The following ETFDH variants were observed in gnomAD, a reference collection of about 807,000 sequenced individuals.
ETFDH encodes the protein electron transfer flavoprotein-ubiquinone oxidoreductase, mitochondrial.
In ETFDH, 61 loss-of-function variants were observed where a neutral mutation model predicts 73.2. The ratio of observed to expected loss-of-function variants is 0.83; its 90% CI spans 0.68 to 1.03. The LOEUF (loss-of-function observed/expected upper bound fraction) is 1.03. Ranked by LOEUF, ETFDH falls within the 50% of genes least tolerant of loss-of-function variation. The probability of loss-of-function intolerance (pLI) is 0.00; values close to 1 mark genes in which losing one functional copy is unlikely to be tolerated. For synonymous variants in ETFDH, 243 were observed against 253.3 expected, an observed-to-expected ratio of 0.96 and a Z score of 0.39; for missense variants, 685 against 745.0, an observed-to-expected ratio of 0.92 and a Z score of 0.94.
At position 158,706,944 on chromosome 4, in the gene ETFDH, T is replaced by C. The variant is rs1774640628; in HGVS notation, c.1690+94T>C. The C allele has an allele frequency of 4.9e-6, 4 of 815,946 alleles. No homozygotes were observed. In the South Asian group the frequency reaches 5.8e-5, roughly 12 times the overall value. 50.5% of individuals were successfully genotyped at this position (815,946 alleles called of 1,614,324 possible). On this transcript the variant is annotated intron_variant, in intron 12 of 12. Coordinates refer to ENST00000511912, the MANE Select transcript of ETFDH (RefSeq NM_004453.4). ...AAAATGATTTCTGTATCTCCTTCCA[T>C]TCCTTAGAAATTGTAAATGACTTCA...
intron 1 of ETFDH, among the ~76,000 whole-genome samples, chr4:158,678,058 A>C (rs1426480291): frequency 6.6e-6 from 1 of 152,256 alleles, no homozygotes. Flanking sequence ...TAAGTTGCAA[A>C]AATAGTACTG....
chr4:158,675,421 A>G (rs1182535619), intron 1 of ETFDH, among the ~76,000 whole-genome samples: 2 of 152,054 alleles, frequency 1.3e-5, no homozygotes, highest in Non-Finnish European at 2.9e-5. Context: ...ATCACTTCTT[A>G]CCATTTATTG....
chr4:158,690,032 C>T (rs967411825), intron 5 of ETFDH, among the ~76,000 whole-genome samples: 18 of 152,054 alleles, frequency 1.2e-4, no homozygotes, highest in African/African-American at 3.9e-4. Flanking sequence ...ATTCTTTACA[C>T]GATTTGACAT....
intron 6 of ETFDH, among the ~76,000 whole-genome samples, chr4:158,692,293 G>A (rs1313754282): frequency 4.0e-5 from 6 of 151,814 alleles, no homozygotes; most frequent in South Asian, 2.1e-4. Context: ...CCAGCTGTTC[G>A]GGAGGCTGAG....
intron 7 of ETFDH, 104 bp downstream of exon 7, chr4:158,695,747 T>C: frequency 1.2e-6 from 1 of 823,814 alleles, no homozygotes; most frequent in East Asian, 2.7e-5. Flanking sequence ...GTTATATTTT[T>C]TCATTGTCTT....
chr4:158,675,293 A>G (rs1773683461), intron 1 of ETFDH, among the ~76,000 whole-genome samples: 1 of 152,150 alleles, frequency 6.6e-6, no homozygotes, highest in African/African-American at 2.4e-5. Context: ...AGCATATACT[A>G]TGTTGTCTTT....
intron 3 of ETFDH, among the ~76,000 whole-genome samples, chr4:158,682,692 C>T (rs1326815007): frequency 6.6e-6 from 1 of 151,824 alleles, no homozygotes; most frequent in Non-Finnish European, 1.5e-5. Context: ...TGCCAACACT[C>T]CCAGCTAATT....
At chr4:158,692,280 A>G (rs1330735776) in intron 6 of ETFDH, among the ~76,000 whole-genome samples, 1 of 152,024 alleles carries the variant, frequency 6.6e-6, no homozygotes. Flanking sequence ...CACGCCTGTA[A>G]TCCCAGCTGT....
Position 158,697,653 on chromosome 4 carries a change from T to G in ETFDH, c.926T>G (p.Leu309Arg), listed in dbSNP as rs1276785426. The G allele has an allele frequency of 6.2e-7, 1 of 1,613,812 alleles. No homozygotes were observed. Among genetic ancestry groups the G allele is most frequent in the Middle Eastern group, 1.6e-4 (1 of 6,062 alleles). ...LDRHTYGGSFLYHLNEGEPLV... is the reference protein window; with the variant it reads ...LDRHTYGGSFRYHLNEGEPLV... Reference sequence around the variant, plus strand: ...AGACATACCTATGGAGGATCTTTCCTCTATCATTTGAATGAAGGTGAACCC... The same window carrying G: ...AGACATACCTATGGAGGATCTTTCCGCTATCATTTGAATGAAGGTGAACCC... Residue 309 changes from leucine to arginine, a missense_variant, in exon 8 of 13, where the codon CTC (leucine) becomes CGC (arginine). Leu to Arg is a moderately radical substitution (Grantham distance 102). Transcript: ENST00000511912.
intron 5 of ETFDH, among the ~76,000 whole-genome samples, chr4:158,686,975 A>G (rs1580401946): frequency 6.6e-6 from 1 of 152,338 alleles, no homozygotes; most frequent in African/African-American, 2.4e-5. Flanking sequence ...GTACAGTTAT[A>G]TGCCTTTCTT....
Position 158,708,586 on chromosome 4 carries a change from T to G in ETFDH, c.*59T>G. On this transcript the variant is annotated 3_prime_UTR_variant, in exon 13 of 13. Transcript: ENST00000511912. ...AGCTAACGTTAAAATGTTTAGAGAT[T>G]AACAGATTTCAGAATGTCTTTCTGC... 7.2e-7 allele frequency: 1 copy of G among 1,383,040 alleles called. No homozygotes were observed. The highest frequency in any genetic ancestry group is 1.2e-5 in the South Asian group (1 of 86,000). 85.7% of individuals were successfully genotyped at this position (1,383,040 alleles called of 1,614,324 possible).
At chr4:158,706,933 A>G (rs941583890) in intron 12 of ETFDH, 83 bp downstream of exon 12, 50 of 869,360 alleles carry the variant, frequency 5.8e-5, no homozygotes, top group Admixed American at 1.1e-4. Flanking sequence ...TGATTTCTGT[A>G]TCTCCTTCCA....
At chr4:158,693,634 A>G (rs1774235932) in intron 6 of ETFDH, among the ~76,000 whole-genome samples, 1 of 152,210 alleles carries the variant, frequency 6.6e-6, no homozygotes, top group Non-Finnish European at 1.5e-5. Flanking sequence ...TGGTGATTTA[A>G]AGATCTAAAA....
chr4:158,704,962 C>A (rs562488551), intron 10 of ETFDH, among the ~76,000 whole-genome samples: 5 of 152,074 alleles, frequency 3.3e-5, no homozygotes, highest in African/African-American at 1.2e-4. Context: ...CTTGTTGGAC[C>A]ACCAGCCATA....
At chr4:158,691,492 T>A (rs890700512) in intron 6 of ETFDH, among the ~76,000 whole-genome samples, 1 of 152,286 alleles carries the variant, frequency 6.6e-6, no homozygotes, top group East Asian at 1.9e-4. Flanking sequence ...ACCTGGCTAC[T>A]TTTTGTATTT....
At chr4:158,695,336 A>G (rs1774281058) in intron 6 of ETFDH, among the ~76,000 whole-genome samples, 161 bp from the exon 7 acceptor site, 2 of 152,166 alleles carry the variant, frequency 1.3e-5, no homozygotes, top group African/African-American at 4.8e-5. Context: ...GTAAGATTAT[A>G]TGATTCTATA....
intron 2 of ETFDH, chr4:158,681,953 A>G: frequency 5.7e-6 from 3 of 526,068 alleles, no homozygotes; most frequent in Non-Finnish European, 1.0e-5. Flanking sequence ...TGCTAAATGT[A>G]TAATAATAAA....
At chr4:158,684,521 G>GT (rs1264139459) in intron 3 of ETFDH, 71 bp from the exon 4 acceptor site, 28 of 884,296 alleles carry the variant, frequency 3.2e-5, no homozygotes, top group Admixed American at 1.6e-4. Flanking sequence ...ACATTTTATA[G>GT]TTTTTTTGTA....
Position 158,680,561 on chromosome 4 carries a change from T to C in ETFDH, c.129T>C (p.Thr43=). 1 of 1,607,982 alleles carries C rather than the reference T, an allele frequency of 6.2e-7. No homozygotes were observed. Among genetic ancestry groups the C allele is most frequent in the Admixed American group, 1.7e-5 (1 of 60,010 alleles). Residue 43 remains threonine, a synonymous_variant, in exon 2 of 13, where the codon ACT becomes ACC. Transcript: ENST00000511912. ...CAACTTCTACTGTGCCTCGAATTAC[T>C]ACCCATTATACTATTTATCCCCGGG... ...WSSTSTVPRI[T]THYTIYPRDK... is the part of the protein sequence containing the mutation.
Sources: allele counts gnomAD v4.1 joint callset (sites outside exome capture counted in the v4.1 genomes callset), GRCh38; gene constraint gnomAD v4.1.1; transcripts MANE v1.5; gene names NCBI Gene and HGNC (gene_info 2026-07-23, HGNC 2026-07-21).